Variants in FLNB observed in about 807,000 individuals in gnomAD.
The protein encoded by FLNB is filamin-B.
In FLNB, 111 loss-of-function variants were observed where a neutral mutation model predicts 250.6. That is an observed-to-expected ratio of 0.44 (90% CI 0.38 to 0.52). The LOEUF is 0.52. FLNB is among the 20% of genes least tolerant of loss of function. FLNB has a pLI of 0.00. For missense variants in FLNB, 2,869 were observed against 3,447.8 expected (o/e 0.83, Z 4.20); for synonymous variants, 1,302 against 1,372.1 (o/e 0.95, Z 1.13).
intron 42 of FLNB, among the ~76,000 whole-genome samples, chr3:58,161,545 TATGAGATCATTAGC>T (rs1347487907): frequency 2.0e-5 from 3 of 152,152 alleles, no homozygotes; most frequent in African/African-American, 7.2e-5. Context: ...CCTACAGATG[TATGAGATCATTAGC>T]ATGACACAGT....
rs2097294143 is a variant in FLNB at position 58,124,356 on chromosome 3, A to C, written c.3749A>C (p.Asp1250Ala). The C allele has an allele frequency of 6.2e-7, 1 of 1,614,018 alleles. No individual in the cohort carries two copies. The change falls in exon 22 of 46, where the codon GAC becomes GCC. Residue 1250 changes from aspartate (D) to alanine (A), a missense_variant. This residue lies in a region of FLNB where 1,348 missense variants were observed against 1,466.7 expected (regional missense o/e 0.92). Coordinates refer to ENST00000295956, the MANE Select transcript of FLNB (RefSeq NM_001457.4). ...GKDVFREATTDFTVDSRPLTQ... is the reference protein window; with the variant it reads ...GKDVFREATTAFTVDSRPLTQ... ...GATGTGTTCCGGGAAGCTACCACCGACTTTACAGTTGACTCTCGGCCGCTG... is the reference window on the plus strand; with the variant it reads ...GATGTGTTCCGGGAAGCTACCACCGCCTTTACAGTTGACTCTCGGCCGCTG...
chr3:58,156,538 G>T (rs1033653468), intron 41 of FLNB, among the ~76,000 whole-genome samples: 6 of 152,184 alleles, frequency 3.9e-5, no homozygotes, highest in Non-Finnish European at 5.9e-5. Flanking sequence ...AGCTTTATCA[G>T]TGTTACCTCA....
intron 1 of FLNB, among the ~76,000 whole-genome samples, chr3:58,043,582 G>A (rs1306296848): frequency 6.6e-6 from 1 of 152,122 alleles, no homozygotes; most frequent in Non-Finnish European, 1.5e-5. Context: ...GGTCTTCAGG[G>A]TTTGATCTCT....
chr3:58,078,650 G>A, intron 2 of FLNB, 67 bp from the exon 3 acceptor site: 1 of 1,526,330 alleles, frequency 6.6e-7, no homozygotes, highest in Non-Finnish European at 9.0e-7. Context: ...GTTAGTTTAG[G>A]CACATGGTTT....
At chr3:58,085,612 G>T (rs968318413) in intron 4 of FLNB, among the ~76,000 whole-genome samples, 15 of 152,174 alleles carry the variant, frequency 9.9e-5, no homozygotes, top group African/African-American at 3.4e-4. Flanking sequence ...GGGTGAGGTG[G>T]ACCTCCAGCC....
chr3:58,123,225 T>A lies in FLNB; in HGVS notation c.3259T>A (p.Cys1087Ser). 6.2e-7 allele frequency: 1 copy of A among 1,613,972 alleles called. No homozygotes were observed. The highest frequency in any genetic ancestry group is 8.5e-7 in the Non-Finnish European group (1 of 1,179,944). ...VEGPCEAKIE[C>S]SDNGDGTCSV... The stretch of plus-strand genomic sequence containing the variant: ...AGGTCCGTGCGAGGCCAAAATCGAG[T>A]GCTCCGACAATGGTGATGGGACCTG... The change falls in exon 21 of 46, where the codon TGC (cysteine) becomes AGC (serine). Residue 1087 changes from cysteine (C) to serine (S), a missense_variant. This residue lies in a region of FLNB where 1,348 missense variants were observed against 1,466.7 expected (regional missense o/e 0.92). Transcript: ENST00000295956.
At chr3:58,162,964 C>T in intron 42 of FLNB, 190 bp from the exon 43 acceptor site, 1 of 648,522 alleles carries the variant, frequency 1.5e-6, no homozygotes, top group Non-Finnish European at 2.8e-6. Context: ...GATGCGTTTC[C>T]CTTGGGGCTG....
At chr3:58,031,499 C>A (rs1437976774) in intron 1 of FLNB, among the ~76,000 whole-genome samples, 1 of 150,734 alleles carries the variant, frequency 6.6e-6, no homozygotes, top group Non-Finnish European at 1.5e-5. Flanking sequence ...GCCTCGGCCT[C>A]CCAAAGTGCT....
chr3:58,041,470 A>G (rs1623879), intron 1 of FLNB, among the ~76,000 whole-genome samples: 31,762 of 151,784 alleles, frequency 0.21, 4,850 homozygotes, highest in East Asian at 0.49. Context: ...AGTGGTGAGG[A>G]GGTTGTGGCT....
At chr3:58,092,843 T>C (rs2097230492) in intron 4 of FLNB, among the ~76,000 whole-genome samples, 1 of 152,214 alleles carries the variant, frequency 6.6e-6, no homozygotes, top group Non-Finnish European at 1.5e-5. Flanking sequence ...AGTATTTCGC[T>C]TCCGGTCACC....
chr3:58,090,161 TTAA>T (rs2097224325), intron 4 of FLNB, among the ~76,000 whole-genome samples: 2 of 151,970 alleles, frequency 1.3e-5, no homozygotes, highest in Admixed American at 1.3e-4. Flanking sequence ...TTTTTTTTTT[TTAA>T]ACACACACAT....
At chr3:58,031,756 C>G (rs952861232) in intron 1 of FLNB, among the ~76,000 whole-genome samples, 2 of 151,790 alleles carry the variant, frequency 1.3e-5, no homozygotes, top group Non-Finnish European at 2.9e-5. Context: ...GTTGCCCAGG[C>G]TGGTCTCGAA....
intron 9 of FLNB, among the ~76,000 whole-genome samples, chr3:58,102,823 G>A (rs1357058157): frequency 6.6e-6 from 1 of 152,216 alleles, no homozygotes; most frequent in Non-Finnish European, 1.5e-5. Context: ...TATAGAAGGA[G>A]AATAAAATTC....
intron 18 of FLNB, among the ~76,000 whole-genome samples, chr3:58,114,513 CTT>C (rs1381217168): frequency 6.6e-6 from 1 of 151,798 alleles, no homozygotes; most frequent in Admixed American, 6.6e-5. Flanking sequence ...ACAAATATCT[CTT>C]TGAGTCTCTG....
chr3:58,008,433 G>C lies in FLNB; in HGVS notation c.-132G>C. 2.7e-6 allele frequency: 3 copies of C among 1,111,900 alleles called. No homozygotes were observed. Among genetic ancestry groups the C allele is most frequent in the Non-Finnish European group, 3.9e-6 (3 of 767,268 alleles). 68.9% of individuals were successfully genotyped at this position (1,111,900 alleles called of 1,614,324 possible). A position where few individuals can be genotyped will look rare whatever the true frequency, so the allele number is the denominator to read the frequency against. On this transcript the variant is annotated 5_prime_UTR_variant, in exon 1 of 46. Transcript: ENST00000295956. ...GGGCGGGCGGCCGCAGAGCAGCACCGGCCGTGGCTCCGGTAGCAGCAAGTT... is the reference window on the plus strand; with the variant it reads ...GGGCGGGCGGCCGCAGAGCAGCACCCGCCGTGGCTCCGGTAGCAGCAAGTT...
intron 1 of FLNB, among the ~76,000 whole-genome samples, chr3:58,068,620 T>G (rs1227862095): frequency 6.6e-6 from 1 of 152,144 alleles, no homozygotes; most frequent in Admixed American, 6.5e-5. Context: ...AGCCATGGTT[T>G]GTTTGGGCTC....
rs551500410 is a variant in FLNB, at chr3:58,066,782, C to T, written c.293-10264C>T. On this transcript the variant is annotated intron_variant, in intron 1 of 45. Coordinates refer to ENST00000295956, the MANE Select transcript of FLNB (RefSeq NM_001457.4). The stretch of plus-strand genomic sequence containing the variant: ...ATGGAACTTTTAAATACAGTGATTC[C>T]TGTTAACCAGAAATAGGGTGTTTGG... 2.6e-5 allele frequency among the ~76,000 whole-genome samples: 4 copies of T among 152,236 alleles called. No individual in the cohort carries two copies. The South Asian group carries it at 6.2e-4, about 24-fold the overall frequency.
At chr3:58,134,934 T>G (rs1337454428) in intron 27 of FLNB, among the ~76,000 whole-genome samples, 162 bp downstream of exon 27, 2 of 152,258 alleles carry the variant, frequency 1.3e-5, no homozygotes, top group Admixed American at 1.3e-4. Context: ...CAGAAGCAGC[T>G]CACCTGAGAG....
intron 1 of FLNB, among the ~76,000 whole-genome samples, chr3:58,068,980 C>G (rs767015047): frequency 2.6e-5 from 4 of 151,678 alleles, no homozygotes; most frequent in Non-Finnish European, 5.9e-5. Context: ...AACCCTGTCT[C>G]TATAAAAAAT....
Sources: allele counts gnomAD v4.1 joint callset (sites outside exome capture counted in the v4.1 genomes callset), GRCh38; gene constraint gnomAD v4.1.1; regional missense constraint gnomAD v4.1.1; transcripts MANE v1.5; gene names NCBI Gene and HGNC (gene_info 2026-07-23, HGNC 2026-07-21).